CASC3: variants seen among roughly 807,000 people sequenced by gnomAD.
CASC3 encodes the protein CASC3 exon junction complex subunit, also known as protein CASC3.
In CASC3, 30 loss-of-function variants were observed where a neutral mutation model predicts 80.5. The ratio of observed to expected loss-of-function variants is 0.37; its 90% CI spans 0.28 to 0.51. The LOEUF (loss-of-function observed/expected upper bound fraction) is 0.51, where lower values mean the gene tolerates loss of function less well. CASC3 is among the 20% of genes least tolerant of loss of function. CASC3 has a pLI of 0.94. For synonymous variants in CASC3, 312 were observed against 333.6 expected, an observed-to-expected ratio of 0.94 and a Z score of 0.70; for missense variants, 824 against 922.2, an observed-to-expected ratio of 0.89 and a Z score of 1.38.
At chr17:40,147,973 T>C (rs183531651) in intron 3 of CASC3, among the ~76,000 whole-genome samples, 152 of 152,340 alleles carry the variant, frequency 1.0e-3, no homozygotes, top group African/African-American at 3.1e-3. Context: ...TGATATGATA[T>C]GCGGATGTCT....
chr17:40,142,040 T>A (rs1210647366), intron 3 of CASC3, among the ~76,000 whole-genome samples: 1 of 152,192 alleles, frequency 6.6e-6, no homozygotes, highest in African/African-American at 2.4e-5. Flanking sequence ...AGGTGGGGAT[T>A]TTTCTGTTTT....
chr17:40,162,480 C>T (rs1394206677), intron 5 of CASC3, among the ~76,000 whole-genome samples: 1 of 152,078 alleles, frequency 6.6e-6, no homozygotes, highest in Non-Finnish European at 1.5e-5. Flanking sequence ...TTCAAAGGTA[C>T]TGAATGGCAT....
intron 3 of CASC3, among the ~76,000 whole-genome samples, chr17:40,152,648 G>A (rs1400000021): frequency 1.3e-5 from 2 of 151,586 alleles, no homozygotes; most frequent in African/African-American, 2.4e-5. Context: ...CAAATTTTTT[G>A]TAGAGGCAAA....
chr17:40,167,370 G>A, intron 8 of CASC3, 128 bp from the exon 9 acceptor site: 2 of 627,260 alleles, frequency 3.2e-6, no homozygotes. Flanking sequence ...TTATTTTTCA[G>A]CTCACTTTGC....
rs1391067080 is a variant in CASC3, at chr17:40,140,573, G to C, written c.25G>C (p.Ala9Pro). The change falls in exon 1 of 14, where the codon GCT becomes CCT. Residue 9 changes from alanine (A) to proline (P), a missense_variant. By Grantham distance (27) the Ala-to-Pro change is conservative. Transcript: ENST00000264645. ...GATGGCGGACCGGCGGCGGCAGCGC[G>C]CTTCGCAAGACACCGAGGACGAGGA... Reference protein sequence around the residue: MADRRRQRASQDTEDEESG... With the variant: MADRRRQRPSQDTEDEESG... 6.2e-7 allele frequency: 1 copy of C among 1,608,780 alleles called. No homozygotes were observed. Among genetic ancestry groups the C allele is most frequent in the Non-Finnish European group, 8.5e-7 (1 of 1,179,522 alleles).
At chr17:40,141,154 C>G in intron 1 of CASC3, 53 bp from the exon 2 acceptor site, 1 of 1,547,484 alleles carries the variant, frequency 6.5e-7, no homozygotes, top group African/African-American at 1.4e-5. Context: ...CTTTATTGGG[C>G]TCCCCACCTC....
At chr17:40,158,393 T>C (rs1039940363) in intron 3 of CASC3, among the ~76,000 whole-genome samples, 4 of 152,204 alleles carry the variant, frequency 2.6e-5, no homozygotes, top group African/African-American at 9.6e-5. Flanking sequence ...AGGTTTCAGA[T>C]GTAACCCACC....
intron 3 of CASC3, among the ~76,000 whole-genome samples, chr17:40,159,435 G>T (rs968116699): frequency 5.3e-5 from 8 of 151,970 alleles, no homozygotes; most frequent in Middle Eastern, 3.2e-3. Context: ...GAGTGCAGTG[G>T]TGCGATCTCG....
Position 40,140,728 on chromosome 17 carries a change from TCTG to T in CASC3, c.182_184del (p.Leu61del). The T allele has an allele frequency of 6.5e-7, 1 of 1,529,276 alleles. No homozygotes were observed. Among genetic ancestry groups the T allele is most frequent in the Non-Finnish European group, 8.8e-7 (1 of 1,137,356 alleles). 94.7% of individuals were successfully genotyped at this position (1,529,276 alleles called of 1,614,324 possible). The stretch of plus-strand genomic sequence containing the variant: ...GCGGAGGCCGAACCGGGGCCCTTCA[TCTG>T]CGGCGGGTGGAGAGCGGGGGCGCCA... On this transcript the variant is annotated inframe_deletion, in exon 1 of 14. Coordinates refer to ENST00000264645, the MANE Select transcript of CASC3 (RefSeq NM_007359.5).
At chr17:40,156,962 G>C (rs550920423) in intron 3 of CASC3, among the ~76,000 whole-genome samples, 1 of 152,006 alleles carries the variant, frequency 6.6e-6, no homozygotes, top group Non-Finnish European at 1.5e-5. Context: ...AGGATCACTC[G>C]AGCCCGGGAG....
intron 11 of CASC3, chr17:40,168,762 G>A (rs1165759592): frequency 2.0e-5 from 6 of 300,322 alleles, no homozygotes; most frequent in Non-Finnish European, 3.9e-5. Flanking sequence ...GCTAGTTTTT[G>A]TATTTCTAGT....
rs966816443 is a variant in CASC3, at chr17:40,141,249, T to G, written c.259+15T>G. On this transcript the variant is annotated intron_variant, in intron 2 of 13. Coordinates refer to ENST00000264645, the MANE Select transcript of CASC3 (RefSeq NM_007359.5). ...TGAAGGTGATGGTGAGTAGCATCTT[T>G]TACCCCATTAGGACAAGAGTTTTTT... The G allele has an allele frequency of 4.3e-6, 7 of 1,611,404 alleles. No homozygotes were observed. The African/African-American group carries it at 9.4e-5, about 22-fold the overall frequency.
chr17:40,162,625 G>T lies in CASC3; in HGVS notation c.609-100G>T. 3.7e-6 allele frequency: 4 copies of T among 1,080,648 alleles called. No individual in the cohort carries two copies. In the South Asian group the frequency reaches 5.9e-5, roughly 16 times the overall value. The allele number at this position is 1,080,648 out of a possible 1,614,324, so 66.9% of individuals were successfully genotyped here. The stretch of plus-strand genomic sequence containing the variant: ...TGGGATGATGAGGAGACTACGTAAA[G>T]TTCCTATTGTCCCCCTGCCTCCCTG... On this transcript the variant is annotated intron_variant, in intron 5 of 13. Transcript: ENST00000264645.
At chr17:40,159,486 C>G (rs1989234647) in intron 3 of CASC3, among the ~76,000 whole-genome samples, 1 of 151,390 alleles carries the variant, frequency 6.6e-6, no homozygotes, top group African/African-American at 2.4e-5. Flanking sequence ...AGTGATTCTC[C>G]CGCCTCAGCC....
chr17:40,163,603 G>T lies in CASC3; in HGVS notation c.908G>T (p.Gly303Val). The change falls in exon 7 of 14, where the codon GGT (glycine) becomes GTT (valine). Residue 303 changes from glycine to valine, a missense_variant. Physicochemically the swap from Gly to Val is moderately radical, Grantham distance 109 (BLOSUM62 -3). Coordinates refer to ENST00000264645, the MANE Select transcript of CASC3 (RefSeq NM_007359.5). ...PRTFINRNAA[G>V]TGRMSAPRNY... is the part of the protein sequence containing the mutation. ...ACATTTATTAACAGGAATGCTGCAG[G>T]TACCGGCCGTATGTCTGCACCCAGG... The T allele has an allele frequency of 6.2e-7, 1 of 1,614,160 alleles. No individual in the cohort carries two copies. Among genetic ancestry groups the T allele is most frequent in the South Asian group, 1.1e-5 (1 of 91,080 alleles).
In CASC3 at chr17:40,163,663, G is replaced by T; in HGVS notation, c.968G>T (p.Arg323Leu). The T allele has an allele frequency of 1.2e-6, 2 of 1,614,150 alleles. No individual in the cohort carries two copies. The highest frequency in any genetic ancestry group is 1.7e-6 in the Non-Finnish European group (2 of 1,180,038). ...YSRSGGFKEGRAGFRPVEAGG... is the reference protein window; with the variant it reads ...YSRSGGFKEGLAGFRPVEAGG... Reference sequence around the variant, plus strand: ...CGATCTGGGGGCTTCAAGGAAGGTCGTGCTGGTTTTAGGCCTGTGGAAGCT... The same window carrying T: ...CGATCTGGGGGCTTCAAGGAAGGTCTTGCTGGTTTTAGGCCTGTGGAAGCT... Residue 323 changes from arginine (R) to leucine (L), a missense_variant, in exon 7 of 14, where the codon CGT (arginine) becomes CTT (leucine). This residue lies in a region of CASC3 where 464 missense variants were observed against 506.0 expected (regional missense o/e 0.92). Coordinates refer to ENST00000264645, the MANE Select transcript of CASC3 (RefSeq NM_007359.5).
chr17:40,161,729 C>T (rs1359437279), intron 3 of CASC3, 24 bp from the exon 4 acceptor site: 2 of 1,609,978 alleles, frequency 1.2e-6, no homozygotes, highest in East Asian at 2.2e-5. Context: ...TTATATGCAT[C>T]GCTGACAGGG....
chr17:40,140,576 T>G lies in CASC3; in HGVS notation c.28T>G (p.Ser10Ala), dbSNP rs1188548686. MADRRRQRA[S>A]QDTEDEESGA... Reference sequence around the variant, plus strand: ...GGCGGACCGGCGGCGGCAGCGCGCTTCGCAAGACACCGAGGACGAGGAATC... The same window carrying G: ...GGCGGACCGGCGGCGGCAGCGCGCTGCGCAAGACACCGAGGACGAGGAATC... The change falls in exon 1 of 14, where the codon TCG (serine) becomes GCG (alanine). Residue 10 changes from serine to alanine, a missense_variant. Coordinates refer to ENST00000264645, the MANE Select transcript of CASC3 (RefSeq NM_007359.5). 6.2e-7 allele frequency: 1 copy of G among 1,609,342 alleles called. No homozygotes were observed. The highest frequency in any genetic ancestry group is 8.5e-7 in the Non-Finnish European group (1 of 1,179,576).
In CASC3 at chr17:40,168,432, G is replaced by A; in HGVS notation, c.1965+15G>A. 6.2e-7 allele frequency: 1 copy of A among 1,606,292 alleles called. No individual in the cohort carries two copies. Among genetic ancestry groups the A allele is most frequent in the Non-Finnish European group, 8.5e-7 (1 of 1,172,948 alleles). On this transcript the variant is annotated intron_variant, in intron 11 of 13. Transcript: ENST00000264645. ...CTAATACACAGGTGAGATGGCTAAT[G>A]ATCATGTTTTTCTAGATACACATTC...
Sources: gnomAD v4.1 joint callset for allele counts (sites outside exome capture counted in the v4.1 genomes callset) on GRCh38, gnomAD v4.1.1 for gene constraint, gnomAD v4.1.1 regional missense constraint, MANE v1.5 for transcripts, NCBI Gene and HGNC (gene_info 2026-07-23, HGNC 2026-07-21) for gene names.